The following USP34 variants were observed in gnomAD, a reference collection of about 807,000 sequenced individuals.
USP34 encodes ubiquitin specific peptidase 34.
In USP34, 70 loss-of-function variants were observed where a neutral mutation model predicts 460.3. That is an observed-to-expected ratio of 0.15 (90% CI 0.13 to 0.19). The LOEUF (loss-of-function observed/expected upper bound fraction) is 0.19, where lower values mean the gene tolerates loss of function less well. USP34 is among the 10% of genes least tolerant of loss of function. The probability of loss-of-function intolerance (pLI) is 1.00; values close to 1 mark genes in which losing one functional copy is unlikely to be tolerated. For synonymous variants in USP34, 1,647 were observed against 1,405.3 expected (o/e 1.17, Z -3.85); for missense variants, 3,985 against 4,236.2 (o/e 0.94, Z 1.65).
chr2:61,203,090 A>G (rs748600417), intron 75 of USP34, 50 bp downstream of exon 75: 1 of 1,456,894 alleles, frequency 6.9e-7, no homozygotes, highest in Non-Finnish European at 9.1e-7. Context: ...CTGAATGACT[A>G]GGGGCTTAAA....
At chr2:61,416,974 A>G in intron 2 of USP34, 1 of 1,300,178 alleles carries the variant, frequency 7.7e-7, no homozygotes, top group Non-Finnish European at 1.1e-6. Flanking sequence ...CTTCTCAGCC[A>G]CCATATCTTC....
At chr2:61,467,617 G>GTTTTTT (rs3980937) in intron 1 of USP34, among the ~76,000 whole-genome samples, 23 of 106,036 alleles carry the variant, frequency 2.2e-4, no homozygotes, top group South Asian at 3.4e-4. Flanking sequence ...CTGTAACTTT[G>GTTTTTT]TTTTTTTTTT....
chr2:61,211,088 G>C (rs1164283283), intron 69 of USP34, among the ~76,000 whole-genome samples: 1 of 152,108 alleles, frequency 6.6e-6, no homozygotes, highest in African/African-American at 2.4e-5. Flanking sequence ...ACATTTGAAA[G>C]CTTTCCAAAG....
chr2:61,349,426 A>T, intron 12 of USP34, 141 bp from the exon 13 acceptor site: 3 of 766,232 alleles, frequency 3.9e-6, no homozygotes, highest in Middle Eastern at 2.4e-4. Context: ...CACCACCTAC[A>T]GTAGTTGTTG....
At chr2:61,202,435 A>C (rs1687002726) in intron 75 of USP34, among the ~76,000 whole-genome samples, 1 of 152,174 alleles carries the variant, frequency 6.6e-6, no homozygotes, top group African/African-American at 2.4e-5. Flanking sequence ...GGAAGTCCTG[A>C]GATAGAGGAC....
In USP34 at chr2:61,228,966, T is replaced by C. The variant is rs1687807210; in HGVS notation, c.7229A>G (p.Asp2410Gly). 1 of 1,603,524 alleles carries C rather than the reference T, an allele frequency of 6.2e-7. No homozygotes were observed. Among genetic ancestry groups the C allele is most frequent in the South Asian group, 1.1e-5 (1 of 89,316 alleles). ...GSDDMDTSVEDIGGRSCVTRF... is the reference protein window; with the variant it reads ...GSDDMDTSVEGIGGRSCVTRF... ...AGTGACACATGAACGACCACCAATA[T>C]CTTCTACTGAGGTATCCATATCATC... Residue 2410 changes from aspartate (D) to glycine (G), a missense_variant, in exon 60 of 80, where the codon GAT (aspartate) becomes GGT (glycine). This residue lies in a region of USP34 where 604 missense variants were observed against 684.8 expected (regional missense o/e 0.88). Transcript: ENST00000398571.
intron 18 of USP34, among the ~76,000 whole-genome samples, chr2:61,335,543 T>C (rs1691391165): frequency 6.6e-6 from 1 of 152,088 alleles, no homozygotes; most frequent in Admixed American, 6.6e-5. Flanking sequence ...GCCCAGGAGT[T>C]TGAGACCAGC....
At chr2:61,242,281 C>T (rs1381228490) in intron 51 of USP34, among the ~76,000 whole-genome samples, 3 of 152,104 alleles carry the variant, frequency 2.0e-5, no homozygotes, top group South Asian at 2.1e-4. Context: ...AAAACATCTA[C>T]CTCCACCAAT....
chr2:61,235,328 CTTTT>C (rs10537200), intron 57 of USP34, among the ~76,000 whole-genome samples: 9 of 123,392 alleles, frequency 7.3e-5, no homozygotes, highest in Admixed American at 2.5e-4. Context: ...ATTTTTTTTT[CTTTT>C]TTTTTTTTTT....
intron 3 of USP34, among the ~76,000 whole-genome samples, chr2:61,400,413 G>T (rs931347310): frequency 6.6e-6 from 1 of 152,032 alleles, no homozygotes; most frequent in African/African-American, 2.4e-5. Context: ...CCGGCCAGAG[G>T]AAAGGCAATT....
intron 30 of USP34, 102 bp downstream of exon 30, chr2:61,296,698 C>G (rs570033167): frequency 7.3e-6 from 9 of 1,237,258 alleles, no homozygotes; most frequent in African/African-American, 1.5e-5. Context: ...AAACTATATT[C>G]AGATTTACTG....
rs533296438 is a variant in USP34, at chr2:61,381,682, C to G, written c.822-1321G>C. 1.4e-4 allele frequency among the ~76,000 whole-genome samples: 21 copies of G among 152,288 alleles called. No individual in the cohort carries two copies. The South Asian group carries it at 4.1e-3, about 30-fold the overall frequency. ...AAGTTTTGAGGGATGTTTTCTTACA[C>G]AGCAAAACCAACCCATACAGAGCTC... On this transcript the variant is annotated intron_variant, in intron 6 of 79. Coordinates refer to ENST00000398571, the MANE Select transcript of USP34 (RefSeq NM_014709.4).
intron 2 of USP34, among the ~76,000 whole-genome samples, chr2:61,408,437 T>A (rs1573011948): frequency 6.6e-6 from 1 of 152,188 alleles, no homozygotes; most frequent in Non-Finnish European, 1.5e-5. Context: ...ATCTTTTTTA[T>A]CTGTGGCAAA....
chr2:61,293,051 A>G (rs1458670725), intron 33 of USP34, among the ~76,000 whole-genome samples: 1 of 152,148 alleles, frequency 6.6e-6, no homozygotes, highest in Non-Finnish European at 1.5e-5. Context: ...AAGCCAGTCA[A>G]CATGGTCTGG....
intron 1 of USP34, among the ~76,000 whole-genome samples, chr2:61,421,573 G>C (rs1265918058): frequency 6.6e-6 from 1 of 152,124 alleles, no homozygotes; most frequent in African/African-American, 2.4e-5. Context: ...GTATGTACAA[G>C]AAAGCATTTT....
At chr2:61,445,222 T>TAA (rs57854651) in intron 1 of USP34, among the ~76,000 whole-genome samples, 1,469 of 40,628 alleles carry the variant, frequency 0.036, 260 homozygotes, top group African/African-American at 0.099. Context: ...AGAACCACAC[T>TAA]AAAAAAAAAA....
intron 75 of USP34, among the ~76,000 whole-genome samples, chr2:61,202,501 C>G (rs2103765950): frequency 6.6e-6 from 1 of 152,204 alleles, no homozygotes; most frequent in South Asian, 2.1e-4. Flanking sequence ...GAATGTTACC[C>G]AAAGGGAGCA....
chr2:61,436,223 G>C (rs942976945), intron 1 of USP34, among the ~76,000 whole-genome samples: 1 of 150,986 alleles, frequency 6.6e-6, no homozygotes, highest in African/African-American at 2.4e-5. Context: ...TCAGCTACTT[G>C]GGAATTTGAG....
chr2:61,359,854 G>A (rs572441829), intron 10 of USP34, among the ~76,000 whole-genome samples: 5 of 142,946 alleles, frequency 3.5e-5, no homozygotes, highest in South Asian at 2.2e-4. Context: ...GGGTGATCTC[G>A]GCTCACTGCA....
Sources: allele counts gnomAD v4.1 joint callset (sites outside exome capture counted in the v4.1 genomes callset), GRCh38; gene constraint gnomAD v4.1.1; regional missense constraint gnomAD v4.1.1; transcripts MANE v1.5; gene names NCBI Gene and HGNC (gene_info 2026-07-23, HGNC 2026-07-21).